PRKCH: variants seen among roughly 807,000 people sequenced by gnomAD.
PRKCH encodes protein kinase C eta type.
PRKCH carries 28 observed loss-of-function variants against 82.5 expected under a neutral mutation model. The observed-to-expected ratio is 0.34, with a 90% CI of 0.25 to 0.47. The LOEUF (loss-of-function observed/expected upper bound fraction) is 0.47. Among genes scored for constraint, PRKCH ranks in the 20% least tolerant of loss-of-function variants. The probability of loss-of-function intolerance (pLI) is 1.00; values close to 1 mark genes in which losing one functional copy is unlikely to be tolerated. For missense variants in PRKCH, 705 were observed against 881.8 expected (o/e 0.80, Z 2.54); for synonymous variants, 322 against 327.4 (o/e 0.98, Z 0.18).
chr14:61,214,616 G>A (rs1387491629), intron 1 of PRKCH, among the ~76,000 whole-genome samples: 5 of 152,078 alleles, frequency 3.3e-5, no homozygotes, highest in Non-Finnish European at 7.4e-5. Flanking sequence ...GGTACCTGGT[G>A]AGGACTCTTC....
At chr14:61,449,856 G>GTCTC (rs149977373) in intron 5 of PRKCH, among the ~76,000 whole-genome samples, 250 of 142,376 alleles carry the variant, frequency 1.8e-3, no homozygotes, top group African/African-American at 6.5e-3. Flanking sequence ...CAGGGAAGAT[G>GTCTC]TCTCTCTCTC....
chr14:61,342,684 G>A (rs1179569119), intron 1 of PRKCH, among the ~76,000 whole-genome samples: 7 of 152,208 alleles, frequency 4.6e-5, no homozygotes, highest in South Asian at 2.1e-4. Flanking sequence ...CCCACAGGGC[G>A]GAGGTGTTTC....
chr14:61,196,519 C>A (rs2044443773), intron 1 of PRKCH, among the ~76,000 whole-genome samples: 1 of 152,130 alleles, frequency 6.6e-6, no homozygotes, highest in Non-Finnish European at 1.5e-5. Flanking sequence ...TCCAGAAGTA[C>A]AGGATAGGGA....
chr14:61,547,968 G>T, intron 13 of PRKCH, 82 bp downstream of exon 13: 1 of 1,539,590 alleles, frequency 6.5e-7, no homozygotes, highest in Non-Finnish European at 8.8e-7. Flanking sequence ...AGAGCTGGAT[G>T]GCCCCTGTGG....
At chr14:61,209,731 T>G (rs997525544) in intron 1 of PRKCH, among the ~76,000 whole-genome samples, 2 of 152,152 alleles carry the variant, frequency 1.3e-5, no homozygotes, top group African/African-American at 4.8e-5. Flanking sequence ...TGGTGGGGAT[T>G]GGGTTTCTAC....
intron 1 of PRKCH, among the ~76,000 whole-genome samples, chr14:61,376,850 C>CT (rs1282053393): frequency 6.6e-6 from 1 of 152,256 alleles, no homozygotes; most frequent in African/African-American, 2.4e-5. Context: ...GCTTTACCTT[C>CT]TAATTCACTT....
In PRKCH at chr14:61,280,018, G is replaced by T; in HGVS notation, c.-19+92350G>T. The stretch of plus-strand genomic sequence containing the variant: ...TAGGCGAGGTTGGAATTGGGTGACG[G>T]GCGAGGAGGAGATGCCAAAAGCACC... On this transcript the variant is annotated intron_variant, in intron 1 of 3. Coordinates refer to the PRKCH transcript ENST00000555185. This position sits in a 1 kb window ranked among gnomAD's most constrained non-coding sequence, Gnocchi z 5.0. The T allele has an allele frequency of 7.6e-7, 1 of 1,323,970 alleles. No individual in the cohort carries two copies. Among genetic ancestry groups the T allele is most frequent in the Non-Finnish European group, 1.0e-6 (1 of 973,108 alleles). 82.0% of individuals were successfully genotyped at this position (1,323,970 alleles called of 1,614,324 possible).
intron 1 of PRKCH, among the ~76,000 whole-genome samples, chr14:61,358,956 G>T (rs1319611466): frequency 6.6e-6 from 1 of 152,116 alleles, no homozygotes; most frequent in East Asian, 1.9e-4. Context: ...ACCCTTCCAG[G>T]ATAAGTTAGG....
chr14:61,394,358 A>C (rs1408719513), intron 2 of PRKCH, among the ~76,000 whole-genome samples: 1 of 152,160 alleles, frequency 6.6e-6, no homozygotes, highest in Non-Finnish European at 1.5e-5. Context: ...ATGTACAGAG[A>C]AAAATGAGTC....
At chr14:61,500,998 C>T (rs558256497) in intron 10 of PRKCH, among the ~76,000 whole-genome samples, 1 of 152,244 alleles carries the variant, frequency 6.6e-6, no homozygotes, top group African/African-American at 2.4e-5. Context: ...CAGTTAAGAA[C>T]GAGGCTTTGA....
At chr14:61,391,348 G>T in intron 2 of PRKCH, 60 bp downstream of exon 2, 1 of 1,367,368 alleles carries the variant, frequency 7.3e-7, no homozygotes, top group South Asian at 1.3e-5. Context: ...CACTCAGTAG[G>T]AATTTCTATC....
chr14:61,337,086 A>C (rs2045867062), intron 1 of PRKCH, among the ~76,000 whole-genome samples: 1 of 151,470 alleles, frequency 6.6e-6, no homozygotes, highest in South Asian at 2.1e-4. Flanking sequence ...AAAAAAAAAA[A>C]AAAAAGTACA....
intron 10 of PRKCH, among the ~76,000 whole-genome samples, chr14:61,522,295 C>G (rs10134093): frequency 0.16 from 23,895 of 152,076 alleles, 2,614 homozygotes; most frequent in African/African-American, 0.31. Flanking sequence ...CATGTTCATT[C>G]TCAACTCCTC....
chr14:61,269,807 C>G lies in PRKCH; in HGVS notation c.-19+82139C>G, dbSNP rs75969796. On this transcript the variant is annotated intron_variant, in intron 1 of 3. Coordinates refer to the PRKCH transcript ENST00000555185. ...ACGGGATTCTCATTACAGATTGGACCGACAATCAACCTGAGAAATTGTACG... is the reference window on the plus strand; with the variant it reads ...ACGGGATTCTCATTACAGATTGGACGGACAATCAACCTGAGAAATTGTACG... 2.0e-3 allele frequency among the ~76,000 whole-genome samples: 303 copies of G among 152,218 alleles called. 1 individual carries two copies. Among genetic ancestry groups the G allele is most frequent in the African/African-American group, 6.9e-3 (288 of 41,546 alleles).
intron 1 of PRKCH, among the ~76,000 whole-genome samples, chr14:61,228,183 G>A (rs2044712617): frequency 6.6e-6 from 1 of 152,204 alleles, no homozygotes; most frequent in Non-Finnish European, 1.5e-5. Flanking sequence ...TAGCTTGGGT[G>A]AAAAGTAACT....
chr14:61,498,410 A>G (rs1382251666), intron 10 of PRKCH, among the ~76,000 whole-genome samples: 1 of 152,188 alleles, frequency 6.6e-6, no homozygotes, highest in Non-Finnish European at 1.5e-5. Flanking sequence ...AGTTCTGTCA[A>G]GCCCCAGCCT....
intron 1 of PRKCH, among the ~76,000 whole-genome samples, chr14:61,275,554 C>T (rs1009158606): frequency 3.3e-5 from 5 of 152,140 alleles, no homozygotes; most frequent in African/African-American, 1.2e-4. Context: ...AGGAAAAAGA[C>T]AAATCGCACT....
At chr14:61,318,365 G>GTT (rs77878429), upstream of PRKCH, among the ~76,000 whole-genome samples, 172 of 126,298 alleles carry the variant, frequency 1.4e-3, no homozygotes, top group Non-Finnish European at 1.4e-3. Context: ...GTTTTAAAAA[G>GTT]TTTTTTTTTT....
intron 1 of PRKCH, among the ~76,000 whole-genome samples, chr14:61,349,631 G>A (rs1373784726): frequency 1.3e-5 from 2 of 152,118 alleles, no homozygotes; most frequent in African/African-American, 4.8e-5. Context: ...GGGAGGCCGA[G>A]GTGGGTGGAT....
Sources: gnomAD v4.1 joint callset for allele counts (sites outside exome capture counted in the v4.1 genomes callset) on GRCh38, gnomAD v4.1.1 for gene constraint, Gnocchi (gnomAD v3.1) non-coding constraint, MANE v1.5 for transcripts, NCBI Gene and HGNC (gene_info 2026-07-23, HGNC 2026-07-21) for gene names.